Variants in TTN observed in about 807,000 individuals in gnomAD.
TTN encodes the protein connectin.
Under a neutral mutation model 3,223.0 loss-of-function variants are expected in TTN, and 1,525 were observed. The observed-to-expected ratio is 0.47, with a 90% CI of 0.45 to 0.49. TTN has a LOEUF of 0.49. Among genes scored for constraint, TTN ranks in the 20% least tolerant of loss-of-function variants. TTN has a pLI of 0.00. For missense variants in TTN, 40,786 were observed against 43,424.0 expected, an observed-to-expected ratio of 0.94 and a Z score of 5.40; for synonymous variants, 14,094 against 15,161.0, an observed-to-expected ratio of 0.93 and a Z score of 5.17.
rs779049537 is a variant in TTN, at chr2:178,567,132, A to T, written c.79000T>A (p.Trp26334Arg). 2 of 1,613,582 alleles carry T rather than the reference A, an allele frequency of 1.2e-6. No individual in the cohort carries two copies. The highest frequency in any genetic ancestry group is 1.7e-6 in the Non-Finnish European group (2 of 1,179,612). ...VEKRETSRLA[W>R]TVVASEVVTN... is the part of the protein sequence containing the mutation. ...ACAACTTCTGAAGCAACAACAGTCC[A>T]GGCAAGTCGACTGGTTTCTCGCTTT... Residue 26334 changes from tryptophan (W) to arginine (R), a missense_variant, in exon 326 of 363, where the codon TGG becomes AGG. By Grantham distance (101) the Trp-to-Arg change is moderately radical. Coordinates refer to ENST00000589042, the MANE Select transcript of TTN (RefSeq NM_001267550.2).
chr2:178,528,839 A>AT lies in TTN; in HGVS notation c.106911dup (p.Trp35638MetfsTer12). On this transcript the variant is annotated frameshift_variant, in exon 360 of 363. Transcript: ENST00000589042. LOFTEE classifies it high-confidence loss of function. ...GTAAGCTCTACGCCATTCAGTACCC[A>AT]TTTCACATCAGTGGCACCAGCAATG... is the stretch of plus-strand genomic sequence containing the variant. The AT allele has an allele frequency of 6.2e-7, 1 of 1,613,952 alleles. No individual in the cohort carries two copies. The highest frequency in any genetic ancestry group is 8.5e-7 in the Non-Finnish European group (1 of 1,179,874).
chr2:178,577,264 T>C lies in TTN; in HGVS notation c.69071A>G (p.Asn23024Ser), dbSNP rs1205211838. Residue 23024 changes from asparagine to serine, a missense_variant, in exon 324 of 363, where the codon AAT becomes AGT. Transcript: ENST00000589042. ...ATGTTCCACCTTCGTGCCAAAAGGA[T>C]TGGTAGCAGTGATGGTATATTCACC... ...DAGEYTITAT[N>S]PFGTKVEHVK... 1.2e-6 allele frequency: 2 copies of C among 1,612,766 alleles called. No individual in the cohort carries two copies. The highest frequency in any genetic ancestry group is 2.2e-5 in the East Asian group (1 of 44,662).
Position 178,583,626 on chromosome 2 carries a change from C to G in TTN, c.65556G>C (p.Val21852=). ...ISPPSEPSDP[V]TILAENVPPR... ...TCTTACCATTTTCTGCGAGGATAGT[C>G]ACTGGATCAGAAGGTTCAGAAGGTG... Residue 21852 remains valine (V), a synonymous_variant, in exon 312 of 363, where the codon GTG becomes GTC. Transcript: ENST00000589042. 6.2e-7 allele frequency: 1 copy of G among 1,604,348 alleles called. No individual in the cohort carries two copies.
intron 117 of TTN, 49 bp from the exon 118 acceptor site, chr2:178,694,057 CATCAG>C: frequency 2.8e-6 from 4 of 1,424,618 alleles, no homozygotes; most frequent in Non-Finnish European, 3.9e-6. Context: ...TAGTACAAGA[CATCAG>C]ATCAAACACA....
chr2:178,590,215 G>A lies in TTN; in HGVS notation c.61510C>T (p.Pro20504Ser), dbSNP rs765388232. The change falls in exon 304 of 363, where the codon CCT becomes TCT. Residue 20504 changes from proline to serine, a missense_variant. Coordinates refer to ENST00000589042, the MANE Select transcript of TTN (RefSeq NM_001267550.2). ...TTAGTCCAAGTTATGTCTGGTTCAGGTCTGCCTTTGACTCGAGCTAGAATG... is the reference window on the plus strand; with the variant it reads ...TTAGTCCAAGTTATGTCTGGTTCAGATCTGCCTTTGACTCGAGCTAGAATG... ...IRILARVKGR[P>S]EPDITWTKEG... 6.2e-7 allele frequency: 1 copy of A among 1,603,580 alleles called. No homozygotes were observed. Among genetic ancestry groups the A allele is most frequent in the Non-Finnish European group, 8.5e-7 (1 of 1,174,864 alleles).
rs1241874371 is a variant in TTN, at chr2:178,727,081, G to A, written c.20275+9C>T. 6.7e-7 allele frequency: 1 copy of A among 1,484,366 alleles called. No individual in the cohort carries two copies. Among genetic ancestry groups the A allele is most frequent in the Non-Finnish European group, 9.0e-7 (1 of 1,112,610 alleles). 91.9% of individuals were successfully genotyped at this position (1,484,366 alleles called of 1,614,324 possible). ...CATTTAATGAGAAACACAAGAACAAGATGTCTACCTTTTACTATAACCTTG... is the reference window on the plus strand; with the variant it reads ...CATTTAATGAGAAACACAAGAACAAAATGTCTACCTTTTACTATAACCTTG... On this transcript the variant is annotated intron_variant, in intron 69 of 362. Transcript: ENST00000589042.
Position 178,665,466 on chromosome 2 carries a change from A to G in TTN, c.35960-6T>C, listed in dbSNP as rs1409942276. On this transcript the variant is annotated splice_polypyrimidine_tract_variant and splice_region_variant and intron_variant, in intron 164 of 362. Transcript: ENST00000589042. ...TTCTTTCATAGCTTCTGGTGCTTTG[A>G]AGATATTAGTATTATGGTTAGAGGT... is the stretch of plus-strand genomic sequence containing the variant. The G allele has an allele frequency of 2.5e-6, 4 of 1,611,938 alleles. No individual in the cohort carries two copies. Among genetic ancestry groups the G allele is most frequent in the African/African-American group, 1.3e-5 (1 of 74,870 alleles).
chr2:178,706,895 C>CA lies in TTN; in HGVS notation c.29100dup (p.Val9701CysfsTer24), dbSNP rs796065340. The CA allele has an allele frequency of 6.2e-7, 1 of 1,612,330 alleles. No individual in the cohort carries two copies. Among genetic ancestry groups the CA allele is most frequent in the Non-Finnish European group, 8.5e-7 (1 of 1,179,216 alleles). On this transcript the variant is annotated frameshift_variant, in exon 101 of 363. Coordinates refer to ENST00000589042, the MANE Select transcript of TTN (RefSeq NM_001267550.2). LOFTEE classifies it high-confidence loss of function. ...ACTCTGATACTCTGAGGTTCTGACA[C>CA]AAAAAAGAGTCTTCCATCTACCGCA... is the stretch of plus-strand genomic sequence containing the variant.
chr2:178,718,925 C>T lies in TTN; in HGVS notation c.24275G>A (p.Gly8092Glu). 1 of 1,612,114 alleles carries T rather than the reference C, an allele frequency of 6.2e-7. No individual in the cohort carries two copies. Among genetic ancestry groups the T allele is most frequent in the Non-Finnish European group, 8.5e-7 (1 of 1,179,038 alleles). Residue 8092 changes from glycine to glutamate, a missense_variant, in exon 84 of 363, where the codon GGA becomes GAA. Transcript: ENST00000589042. ...QTPDSVEVLPGMSLTFTSVIR... is the reference protein window; with the variant it reads ...QTPDSVEVLPEMSLTFTSVIR... ...GACACTGGTGAATGTGAGGCTCATT[C>T]CAGGCAAAACTTCCACAGAATCAGG... is the stretch of plus-strand genomic sequence containing the variant.
chr2:178,580,097 T>C lies in TTN; in HGVS notation c.67190A>G (p.Glu22397Gly). The C allele has an allele frequency of 2.5e-6, 4 of 1,613,382 alleles. No individual in the cohort carries two copies. The highest frequency in any genetic ancestry group is 3.4e-6 in the Non-Finnish European group (4 of 1,179,490). ...INYVVQKRDA[E>G]RKSWSTVTTE... ...TGTCACTGTAGACCAGGATTTCCTCTCTGCATCACGTTTTTGTACCACATA... is the reference window on the plus strand; with the variant it reads ...TGTCACTGTAGACCAGGATTTCCTCCCTGCATCACGTTTTTGTACCACATA... Residue 22397 changes from glutamate to glycine, a missense_variant, in exon 318 of 363, where the codon GAG (glutamate) becomes GGG (glycine). Transcript: ENST00000589042.
rs72650030 is a variant in TTN at position 178,684,980 on chromosome 2, G to A, written c.32480C>T (p.Ala10827Val). ...EEPPPAKVPE[A>V]PKKIVPEKKV... ...CTTTTCTGGCACAATTTTCTTAGGT[G>A]CTTCAGGAACTTTAGAAAGATTAGG... The change falls in exon 130 of 363, where the codon GCA (alanine) becomes GTA (valine). Residue 10827 changes from alanine (A) to valine (V), a missense_variant. By Grantham distance (64) the Ala-to-Val change is moderately conservative. Transcript: ENST00000589042. 3,227 of 1,602,160 alleles carry A rather than the reference G, an allele frequency of 2.0e-3. 6 individuals carry two copies. Among genetic ancestry groups the A allele is most frequent in the Middle Eastern group, 3.1e-3 (19 of 6,044 alleles).
chr2:178,601,947 A>G (rs1210643448), intron 284 of TTN, 33 bp from the exon 285 acceptor site: 1 of 1,612,670 alleles, frequency 6.2e-7, no homozygotes, highest in East Asian at 2.2e-5. Context: ...GTTGTAGTAT[A>G]AATACTCCTT....
At chr2:178,630,219 C>G (rs1370388528) in intron 239 of TTN, 22 bp downstream of exon 239, 2 of 1,610,706 alleles carry the variant, frequency 1.2e-6, no homozygotes, top group African/African-American at 2.7e-5. Flanking sequence ...TTTAATTTCC[C>G]TGAAAAATAT....
Position 178,695,308 on chromosome 2 carries a change from G to A in TTN, c.31270+40C>T, listed in dbSNP as rs967803417. 2.0e-6 allele frequency: 3 copies of A among 1,519,888 alleles called. No homozygotes were observed. The African/African-American group carries it at 4.1e-5, about 21-fold the overall frequency. The allele number at this position is 1,519,888 out of a possible 1,614,324, so 94.2% of individuals were successfully genotyped here. A position where few individuals can be genotyped will look rare whatever the true frequency, so the allele number is the denominator to read the frequency against. ...CTGCCAAACAAGCCATGATAATGAT[G>A]TTGATGCTCTAGTCTATTTAAATAT... On this transcript the variant is annotated intron_variant, in intron 115 of 362. Transcript: ENST00000589042.
At chr2:178,692,166 C>T in intron 120 of TTN, 67 bp from the exon 121 acceptor site, 1 of 1,386,168 alleles carries the variant, frequency 7.2e-7, no homozygotes, top group Non-Finnish European at 1.0e-6. Flanking sequence ...TCTAAGATTA[C>T]ATTAAAGCAT....
chr2:178,678,583 A>G (rs1475174502), intron 143 of TTN, 86 bp from the exon 144 acceptor site: 6 of 1,243,760 alleles, frequency 4.8e-6, no homozygotes, highest in Non-Finnish European at 6.6e-6. Flanking sequence ...AGATAAGGTA[A>G]TAAAAGTATG....
chr2:178,689,849 G>A lies in TTN; in HGVS notation c.31810C>T (p.Pro10604Ser). The change falls in exon 122 of 363, where the codon CCT (proline) becomes TCT (serine). Residue 10604 changes from proline (P) to serine (S), a missense_variant. Coordinates refer to ENST00000589042, the MANE Select transcript of TTN (RefSeq NM_001267550.2). ...KPVPEEKIPV[P>S]VAKKKEAPPA... is the part of the protein sequence containing the mutation. ...GGAGCTTCCTTTTTCTTTGCAACAG[G>A]AACGGGAATCTTTTCTTCAGGGACA... 1.2e-6 allele frequency: 2 copies of A among 1,613,076 alleles called. No homozygotes were observed. Among genetic ancestry groups the A allele is most frequent in the Non-Finnish European group, 1.7e-6 (2 of 1,179,536 alleles).
chr2:178,689,735 T>C, intron 122 of TTN, 78 bp downstream of exon 122: 2 of 1,480,270 alleles, frequency 1.4e-6, no homozygotes, highest in South Asian at 2.5e-5. Context: ...TTAAACTAAC[T>C]CAATGAACAG....
intron 208 of TTN, 80 bp from the exon 209 acceptor site, chr2:178,650,914 C>T: frequency 7.1e-7 from 1 of 1,411,666 alleles, no homozygotes; most frequent in Non-Finnish European, 9.8e-7. Flanking sequence ...TCACATTTTG[C>T]TCAAATAACC....
Sources: gnomAD v4.1 joint callset for allele counts on GRCh38, gnomAD v4.1.1 for gene constraint, MANE v1.5 for transcripts, NCBI Gene and HGNC (gene_info 2026-07-23, HGNC 2026-07-21) for gene names.